The following BRWD3 variants were observed in gnomAD, a reference collection of about 807,000 sequenced individuals.
The protein encoded by BRWD3 is bromodomain and WD repeat domain containing 3.
In BRWD3, 10 loss-of-function variants were observed where a neutral mutation model predicts 149.7. That is an observed-to-expected ratio of 0.07 (90% CI 0.04 to 0.11). The LOEUF (loss-of-function observed/expected upper bound fraction) is 0.11. Ranked by LOEUF, BRWD3 falls within the 10% of genes least tolerant of loss-of-function variation. The pLI is 1.00. For synonymous variants in BRWD3, 504 were observed against 456.7 expected (o/e 1.10, Z -1.32); for missense variants, 940 against 1,373.2 (o/e 0.68, Z 4.99).
chrX:80,770,141 G>C (rs1432480485), intron 6 of BRWD3, among the ~76,000 whole-genome samples: 1 of 111,450 alleles, frequency 9.0e-6, no homozygotes, highest in East Asian at 2.8e-4. Context: ...TCCAGGACCA[G>C]ATAGATTCAC....
intron 6 of BRWD3, among the ~76,000 whole-genome samples, chrX:80,780,953 G>T (rs1456271396): frequency 9.0e-6 from 1 of 111,691 alleles, no homozygotes; most frequent in Non-Finnish European, 1.9e-5. Context: ...AGTGAATTCT[G>T]GCATGAAGAG....
At chrX:80,758,309 T>A (rs956562904) in intron 6 of BRWD3, among the ~76,000 whole-genome samples, 1 of 111,981 alleles carries the variant, frequency 8.9e-6, no homozygotes, top group African/African-American at 3.2e-5. Flanking sequence ...CAGGAATGAG[T>A]AAAATACTTC....
intron 6 of BRWD3, among the ~76,000 whole-genome samples, chrX:80,780,166 T>C (rs997042400): frequency 4.5e-5 from 5 of 111,051 alleles, no homozygotes; most frequent in African/African-American, 1.6e-4. Flanking sequence ...GGCACTGTTT[T>C]ACCTCTTCCC....
In BRWD3 at chrX:80,670,560, A is replaced by G. The variant is rs936461022; in HGVS notation, c.*6049T>C. On this transcript the variant is annotated 3_prime_UTR_variant, in exon 41 of 41. Transcript: ENST00000373275. Reference sequence around the variant, plus strand: ...TCCCAAGTACCTGGGACTTACAGGCACACACAACCATGCCCAGCTAATTAA... The same window carrying G: ...TCCCAAGTACCTGGGACTTACAGGCGCACACAACCATGCCCAGCTAATTAA... Among the ~76,000 whole-genome samples, 1 of 109,343 alleles carries G rather than the reference A, an allele frequency of 9.1e-6. No homozygotes were observed. The highest frequency in any genetic ancestry group is 1.9e-5 in the Non-Finnish European group (1 of 52,531). The allele number at this position is 109,343 out of a possible 115,157, so 95.0% of individuals were successfully genotyped here.
chrX:80,720,441 T>G (rs1414736731), intron 17 of BRWD3, among the ~76,000 whole-genome samples: 2 of 111,623 alleles, frequency 1.8e-5, no homozygotes, highest in Non-Finnish European at 3.8e-5. Flanking sequence ...ACAATAAAAA[T>G]TTTAAAAATA....
chrX:80,771,315 A>G (rs1323300113), intron 6 of BRWD3, among the ~76,000 whole-genome samples: 2 of 111,753 alleles, frequency 1.8e-5, no homozygotes, highest in African/African-American at 6.5e-5. Flanking sequence ...CAAAAAGAAC[A>G]AAGCTGGAGG....
chrX:80,689,619 T>C, intron 33 of BRWD3, 149 bp downstream of exon 33: 1 of 500,654 alleles, frequency 2.0e-6, no homozygotes, highest in Non-Finnish European at 3.4e-6. Context: ...GTATATGCCA[T>C]CTAAGTACAC....
At chrX:80,680,109 T>C (rs188316178) in intron 40 of BRWD3, among the ~76,000 whole-genome samples, 3 of 112,404 alleles carry the variant, frequency 2.7e-5, no homozygotes, top group Non-Finnish European at 3.8e-5. Flanking sequence ...TACTTAATCT[T>C]GCATTAAAAT....
In BRWD3 at chrX:80,809,580, T is replaced by G. The variant is rs1019487049; in HGVS notation, c.-109A>C. The G allele has an allele frequency of 2.1e-6, 1 of 476,447 alleles. No homozygotes were observed. The highest frequency in any genetic ancestry group is 3.7e-6 in the Non-Finnish European group (1 of 273,864). 39.3% of individuals were successfully genotyped at this position (476,447 alleles called of 1,213,427 possible). A position where few individuals can be genotyped will look rare whatever the true frequency, so the allele number is the denominator to read the frequency against. On this transcript the variant is annotated 5_prime_UTR_variant, in exon 1 of 41. Coordinates refer to ENST00000373275, the MANE Select transcript of BRWD3 (RefSeq NM_153252.5). Reference sequence around the variant, plus strand: ...CCCCATGCCCGGGAGTCCCGCCGCTTCCGCCGCACTCCTCGTCCTAGTTTC... The same window carrying G: ...CCCCATGCCCGGGAGTCCCGCCGCTGCCGCCGCACTCCTCGTCCTAGTTTC...
At chrX:80,797,923 G>A (rs775459008) in intron 4 of BRWD3, among the ~76,000 whole-genome samples, 103 of 109,749 alleles carry the variant, frequency 9.4e-4, no homozygotes, top group Non-Finnish European at 1.7e-3. Context: ...GTGAAACCCC[G>A]TCTCTACTAA....
intron 4 of BRWD3, among the ~76,000 whole-genome samples, chrX:80,805,897 T>C (rs1377791528): frequency 9.0e-6 from 1 of 111,302 alleles, no homozygotes; most frequent in Non-Finnish European, 1.9e-5. Context: ...ATCCCGCCAC[T>C]GCACTCCAGC....
chrX:80,793,565 T>C, intron 5 of BRWD3, 57 bp downstream of exon 5: 1 of 1,101,388 alleles, frequency 9.1e-7, no homozygotes, highest in Non-Finnish European at 1.2e-6. Context: ...AATCTAAAAA[T>C]AAGCTACTCT....
intron 6 of BRWD3, among the ~76,000 whole-genome samples, chrX:80,769,004 C>T (rs1386174860): frequency 1.8e-5 from 2 of 111,667 alleles, no homozygotes; most frequent in Non-Finnish European, 3.8e-5. Context: ...AAGGACATTA[C>T]ATAATGGTAA....
At chrX:80,716,438 A>T (rs865962845) in intron 19 of BRWD3, among the ~76,000 whole-genome samples, 188 bp from the exon 20 acceptor site, 1 of 112,379 alleles carries the variant, frequency 8.9e-6, no homozygotes, top group Non-Finnish European at 1.9e-5. Flanking sequence ...AAACTTTTTC[A>T]TCACTTCAAA....
chrX:80,700,432 T>TTATATATATATATATATATATATATA (rs1369240696), intron 24 of BRWD3, among the ~76,000 whole-genome samples: 2 of 2,297 alleles, frequency 8.7e-4, no homozygotes, highest in South Asian at 0.062. Flanking sequence ...TGAAAATATT[T>TTATATATATATATATATATATATATA]GATATATATA....
intron 36 of BRWD3, among the ~76,000 whole-genome samples, chrX:80,684,491 T>C (rs768944259): frequency 8.9e-6 from 1 of 112,174 alleles, no homozygotes; most frequent in South Asian, 3.7e-4. Flanking sequence ...AGCACACTGT[T>C]TAATGATAAA....
chrX:80,719,786 C>G, intron 17 of BRWD3, 130 bp from the exon 18 acceptor site: 1 of 625,142 alleles, frequency 1.6e-6, no homozygotes, highest in Non-Finnish European at 2.5e-6. Context: ...AAGTATATAT[C>G]AAATGAAACA....
chrX:80,725,855 T>A (rs1315961955), intron 14 of BRWD3, among the ~76,000 whole-genome samples: 1 of 106,627 alleles, frequency 9.4e-6, no homozygotes, highest in African/African-American at 3.5e-5. Flanking sequence ...TACATGCCTA[T>A]ATAACATAAC....
intron 20 of BRWD3, among the ~76,000 whole-genome samples, chrX:80,713,842 A>T (rs1381584086): frequency 8.9e-6 from 1 of 112,232 alleles, no homozygotes; most frequent in Admixed American, 9.4e-5. Context: ...TCTTGCTCAA[A>T]TTCCTATCTC....
Sources: allele counts gnomAD v4.1 joint callset (sites outside exome capture counted in the v4.1 genomes callset), GRCh38; gene constraint gnomAD v4.1.1; transcripts MANE v1.5; gene names NCBI Gene and HGNC (gene_info 2026-07-23, HGNC 2026-07-21).